EXTL1: variants seen among roughly 807,000 people sequenced by gnomAD.
EXTL1 encodes the protein exostosin like glycosyltransferase 1.
A neutral mutation model predicts 64.6 loss-of-function variants in EXTL1; 43 were observed. The observed-to-expected ratio is 0.67, with a 90% confidence interval of 0.52 to 0.86. EXTL1 has a LOEUF of 0.86. Ranked by LOEUF, EXTL1 falls within the 40% of genes least tolerant of loss-of-function variation. The pLI is 0.00. For missense variants in EXTL1, 766 were observed against 879.0 expected, an observed-to-expected ratio of 0.87 and a Z score of 1.62; for synonymous variants, 352 against 360.5, an observed-to-expected ratio of 0.98 and a Z score of 0.27.
At position 26,031,185 on chromosome 1, in the gene EXTL1, C is replaced by T. The variant is rs779987877; in HGVS notation, c.1155C>T (p.Asn385=). Residue 385 remains asparagine (N), a synonymous_variant, in exon 5 of 11, where the codon AAC becomes AAT. Transcript: ENST00000374280. ...CAGCTCACCCCTCACTGCTGTGGAA[C>T]AGCCCCCCAGGGGCACTCCTGGCCC... ...GTSAHPSLLW[N]SPPGALLALS... The T allele has an allele frequency of 5.6e-6, 9 of 1,613,900 alleles. No individual in the cohort carries two copies. Among genetic ancestry groups the T allele is most frequent in the Non-Finnish European group, 6.8e-6 (8 of 1,179,946 alleles).
At position 26,035,114 on chromosome 1, in the gene EXTL1, A is replaced by G. The variant is rs1167411087; in HGVS notation, c.1849-51A>G. The G allele has an allele frequency of 1.3e-6, 2 of 1,586,948 alleles. No individual in the cohort carries two copies. Among genetic ancestry groups the G allele is most frequent in the Admixed American group, 3.4e-5 (2 of 58,136 alleles). On this transcript the variant is annotated intron_variant, in intron 10 of 10. Coordinates refer to ENST00000374280, the MANE Select transcript of EXTL1 (RefSeq NM_004455.3). The surrounding 1 kb of genome is among the most constrained non-coding windows in gnomAD (Gnocchi z 5.3). ...TCTTTCTTGCTGCACGGGCGTGGGG[A>G]GTTCGGAAGGGCAGAGAAGCCCGTT...
intron 3 of EXTL1, among the ~76,000 whole-genome samples, chr1:26,029,949 A>G (rs960002843): frequency 6.6e-6 from 1 of 152,154 alleles, no homozygotes; most frequent in East Asian, 1.9e-4. Flanking sequence ...TCATCTCTAC[A>G]ATAGGATGAG....
chr1:26,035,728 C>T lies in EXTL1; in HGVS notation c.*381C>T, dbSNP rs41284319. 0.022 allele frequency: 4,342 copies of T among 196,866 alleles called. 88 individuals are homozygous for T. The highest frequency in any genetic ancestry group is 0.033 in the Non-Finnish European group (3,234 of 97,060). The allele number at this position is 196,866 out of a possible 1,614,324, so 12.2% of individuals were successfully genotyped here. On this transcript the variant is annotated 3_prime_UTR_variant, in exon 11 of 11. Transcript: ENST00000374280. This position sits in a 1 kb window ranked among gnomAD's most constrained non-coding sequence, Gnocchi z 5.3. The stretch of plus-strand genomic sequence containing the variant: ...TCCAGTGTTTGCCGCGGTTCCCGCA[C>T]GGTCAGGCCCCAGGACTGGCTTGCG...
Position 26,035,159 on chromosome 1 carries a change from T to A in EXTL1, c.1849-6T>A. 1 of 1,599,080 alleles carries A rather than the reference T, an allele frequency of 6.3e-7. No homozygotes were observed. The highest frequency in any genetic ancestry group is 8.5e-7 in the Non-Finnish European group (1 of 1,171,328). ...CCCGTTAATGCATTGCTTCTTTCCC[T>A]CTTAGGCGCCTGGGGGCCCGGGGCC... On this transcript the variant is annotated splice_polypyrimidine_tract_variant and splice_region_variant and intron_variant, in intron 10 of 10. Coordinates refer to ENST00000374280, the MANE Select transcript of EXTL1 (RefSeq NM_004455.3). The surrounding 1 kb of genome is among the most constrained non-coding windows in gnomAD (Gnocchi z 5.3).
At position 26,035,903 on chromosome 1, in the gene EXTL1, C is replaced by T. The variant is rs1036615074; in HGVS notation, c.*556C>T. 5 of 152,522 alleles carry T rather than the reference C, an allele frequency of 3.3e-5. No individual in the cohort carries two copies. The highest frequency in any genetic ancestry group is 1.2e-4 in the African/African-American group (5 of 41,472). 9.4% of individuals were successfully genotyped at this position (152,522 alleles called of 1,614,324 possible). A position where few individuals can be genotyped will look rare whatever the true frequency, so the allele number is the denominator to read the frequency against. ...GGACAGGGTGAGCGGAGAGACAGAA[C>T]TGTCCCCGCCCCACCCCGCCACCCA... On this transcript the variant is annotated 3_prime_UTR_variant, in exon 11 of 11. Transcript: ENST00000374280. The surrounding 1 kb of genome is among the most constrained non-coding windows in gnomAD (Gnocchi z 5.3).
Position 26,022,396 on chromosome 1 carries a change from A to G in EXTL1, c.-251A>G. On this transcript the variant is annotated 5_prime_UTR_variant, in exon 1 of 11. Transcript: ENST00000374280. ...TTGGTTGTCCAAAGGCCGAGAAGGC[A>G]GAGTCCTGAGAGCAGGGGGGCCAGG... is the stretch of plus-strand genomic sequence containing the variant. The G allele has an allele frequency of 2.2e-6, 1 of 453,118 alleles. No homozygotes were observed. Among genetic ancestry groups the G allele is most frequent in the Non-Finnish European group, 3.9e-6 (1 of 255,728 alleles). 28.1% of individuals were successfully genotyped at this position (453,118 alleles called of 1,614,324 possible).
In EXTL1 at chr1:26,033,566, C is replaced by T. The variant is rs2050309735; in HGVS notation, c.1519-130C>T. On this transcript the variant is annotated intron_variant, in intron 8 of 10. Transcript: ENST00000374280. The surrounding 1 kb of genome is among the most constrained non-coding windows in gnomAD (Gnocchi z 5.1). ...GCCACACTTCCAGCCAATTCCAAGT[C>T]TTGGCTCCCGCGCCCTCTCCCCTGA... is the stretch of plus-strand genomic sequence containing the variant. 5.3e-6 allele frequency: 5 copies of T among 939,182 alleles called. No homozygotes were observed. Among genetic ancestry groups the T allele is most frequent in the Non-Finnish European group, 8.3e-6 (5 of 605,570 alleles). The allele number at this position is 939,182 out of a possible 1,614,324, so 58.2% of individuals were successfully genotyped here.
Position 26,035,015 on chromosome 1 carries a change from A to G in EXTL1, c.1848+11A>G. On this transcript the variant is annotated intron_variant, in intron 10 of 10. Transcript: ENST00000374280. The surrounding 1 kb of genome is among the most constrained non-coding windows in gnomAD (Gnocchi z 5.3). ...GAGGCTGCTCCACTGGTGAGGGCTG[A>G]GGGGGATTGGTCGGAACTGGCAGGG... 1 of 1,613,762 alleles carries G rather than the reference A, an allele frequency of 6.2e-7. No individual in the cohort carries two copies. Among genetic ancestry groups the G allele is most frequent in the Non-Finnish European group, 8.5e-7 (1 of 1,179,754 alleles).
chr1:26,023,226 T>G lies in EXTL1; in HGVS notation c.580T>G (p.Phe194Val). Reference protein sequence around the residue: ...SPTVDSFRPGFDVALPFLPEA... With the variant: ...SPTVDSFRPGVDVALPFLPEA... ...CACGGTGGACTCCTTCCGGCCCGGC[T>G]TTGATGTGGCCCTCCCTTTTCTCCC... The change falls in exon 1 of 11, where the codon TTT becomes GTT. Residue 194 changes from phenylalanine to valine, a missense_variant. Transcript: ENST00000374280. 6.2e-7 allele frequency: 1 copy of G among 1,609,032 alleles called. No individual in the cohort carries two copies. The highest frequency in any genetic ancestry group is 8.5e-7 in the Non-Finnish European group (1 of 1,176,842).
In EXTL1 at chr1:26,035,111, G is replaced by A. The variant is rs1013571550; in HGVS notation, c.1849-54G>A. 1.9e-6 allele frequency: 3 copies of A among 1,590,434 alleles called. No homozygotes were observed. The African/African-American group carries it at 4.0e-5, about 21-fold the overall frequency. ...CAGTCTTTCTTGCTGCACGGGCGTG[G>A]GGAGTTCGGAAGGGCAGAGAAGCCC... On this transcript the variant is annotated intron_variant, in intron 10 of 10. Transcript: ENST00000374280. The surrounding 1 kb of genome is among the most constrained non-coding windows in gnomAD (Gnocchi z 5.3).
Position 26,022,982 on chromosome 1 carries a change from C to T in EXTL1, c.336C>T (p.Arg112=), listed in dbSNP as rs750752383. The T allele has an allele frequency of 3.1e-6, 5 of 1,614,068 alleles. No individual in the cohort carries two copies. The highest frequency in any genetic ancestry group is 4.2e-6 in the Non-Finnish European group (5 of 1,180,026). ...TTGGAACCATCTCTGAGACTCATCG[C>T]AGGATCCTGGCTTCCATTGAGGGCT... ...PAVGTISETH[R]RILASIEGSR... The change falls in exon 1 of 11, where the codon CGC becomes CGT. Residue 112 remains arginine, a synonymous_variant. Transcript: ENST00000374280.
intron 6 of EXTL1, chr1:26,031,996 T>TG: frequency 4.5e-6 from 1 of 222,312 alleles, no homozygotes. Flanking sequence ...AGTGAAGCAG[T>TG]TAGCTCAGCC....
In EXTL1 at chr1:26,031,571, GC is replaced by G; in HGVS notation, c.1341+10del. On this transcript the variant is annotated splice_donor_region_variant and intron_variant, in intron 6 of 10. Transcript: ENST00000374280. ...GGCTCCCAGCACTGTGCCCAGGTCT[GC>G]CCCCTTCCCAGCTGGAGTCCTGGGA... 1.3e-6 allele frequency: 2 copies of G among 1,547,060 alleles called. No homozygotes were observed. Among genetic ancestry groups the G allele is most frequent in the Non-Finnish European group, 1.8e-6 (2 of 1,141,012 alleles).
At chr1:26,028,284 G>T (rs2124406017) in intron 1 of EXTL1, among the ~76,000 whole-genome samples, 1 of 152,346 alleles carries the variant, frequency 6.6e-6, no homozygotes, top group Admixed American at 6.5e-5. Flanking sequence ...GCCAGTCCTT[G>T]GGTCTCTCTG....
chr1:26,034,197 T>C lies in EXTL1; in HGVS notation c.1679+341T>C, dbSNP rs1340960206. On this transcript the variant is annotated intron_variant, in intron 9 of 10. Coordinates refer to ENST00000374280, the MANE Select transcript of EXTL1 (RefSeq NM_004455.3). This position sits in a 1 kb window ranked among gnomAD's most constrained non-coding sequence, Gnocchi z 4.6. ...TGCTGGTGGTGGGGTGACAAGAAAATAGTCCTGATGCTTTATGAATGTGGA... is the reference window on the plus strand; with the variant it reads ...TGCTGGTGGTGGGGTGACAAGAAAACAGTCCTGATGCTTTATGAATGTGGA... Among the ~76,000 whole-genome samples the C allele has an allele frequency of 6.6e-6, 1 of 152,038 alleles. No individual in the cohort carries two copies. Among genetic ancestry groups the C allele is most frequent in the Non-Finnish European group, 1.5e-5 (1 of 67,998 alleles).
In EXTL1 at chr1:26,023,379, G is replaced by A; in HGVS notation, c.733G>A (p.Ala245Thr). 1 of 1,461,288 alleles carries A rather than the reference G, an allele frequency of 6.8e-7. No homozygotes were observed. Among genetic ancestry groups the A allele is most frequent in the Non-Finnish European group, 9.1e-7 (1 of 1,103,544 alleles). The allele number at this position is 1,461,288 out of a possible 1,614,324, so 90.5% of individuals were successfully genotyped here. ...GCGCACAGCAGACACTGGCTCCTCT[G>A]CCTGCCCCTGGGATGGGCGCTGTGA... ...GWRTADTGSSACPWDGRCEQD... is the reference protein window; with the variant it reads ...GWRTADTGSSTCPWDGRCEQD... Residue 245 changes from alanine to threonine, a missense_variant, in exon 1 of 11, where the codon GCC (alanine) becomes ACC (threonine). Transcript: ENST00000374280.
intron 1 of EXTL1, among the ~76,000 whole-genome samples, chr1:26,024,414 T>C (rs1027663295): frequency 1.3e-5 from 2 of 152,100 alleles, no homozygotes; most frequent in Non-Finnish European, 2.9e-5. Flanking sequence ...CCCTCAGGTC[T>C]CTCTCCCTAT....
rs2050285861 is a variant in EXTL1 at position 26,031,490 on chromosome 1, T to C, written c.1265T>C (p.Leu422Pro). 2 of 1,595,982 alleles carry C rather than the reference T, an allele frequency of 1.3e-6. No homozygotes were observed. Among genetic ancestry groups the C allele is most frequent in the Non-Finnish European group, 8.5e-7 (1 of 1,171,250 alleles). The change falls in exon 6 of 11, where the codon CTG becomes CCG. Residue 422 changes from leucine (L) to proline (P), a missense_variant. By Grantham distance (98) the Leu-to-Pro change is moderately conservative. Around this residue, in one of 3 missense-constraint regions of EXTL1, gnomAD observed 571 missense variants for 647.6 expected, o/e 0.88. Transcript: ENST00000374280. Reference protein sequence around the residue: ...GSRPEGRFSALIWVGPPGQPP... With the variant: ...GSRPEGRFSAPIWVGPPGQPP... ...CGCCCTGAGGGCAGATTCAGCGCCC[T>C]GATCTGGGTGGGGCCCCCAGGCCAG...
At chr1:26,028,814 G>A (rs528431764) in intron 1 of EXTL1, among the ~76,000 whole-genome samples, 2 of 152,304 alleles carry the variant, frequency 1.3e-5, no homozygotes, top group African/African-American at 2.4e-5. Flanking sequence ...GCCTGTGGCC[G>A]AGTGGGGGAG....
Sources: allele counts gnomAD v4.1 joint callset (sites outside exome capture counted in the v4.1 genomes callset), GRCh38; gene constraint gnomAD v4.1.1; regional missense constraint gnomAD v4.1.1; non-coding constraint Gnocchi (gnomAD v3.1); transcripts MANE v1.5; gene names NCBI Gene and HGNC (gene_info 2026-07-23, HGNC 2026-07-21).